Variants in SKAP2 observed in about 807,000 individuals in gnomAD.
The protein encoded by SKAP2 is src kinase-associated phosphoprotein 2.
Under a neutral mutation model 54.9 loss-of-function variants are expected in SKAP2, and 28 were observed. The ratio of observed to expected loss-of-function variants is 0.51; its 90% CI spans 0.38 to 0.70. SKAP2 has a LOEUF of 0.70. Ranked by LOEUF, SKAP2 falls within the 30% of genes least tolerant of loss-of-function variation. The probability of loss-of-function intolerance (pLI) is 0.00; values close to 1 mark genes in which losing one functional copy is unlikely to be tolerated. For missense variants in SKAP2, 356 were observed against 424.1 expected, an observed-to-expected ratio of 0.84 and a Z score of 1.41; for synonymous variants, 137 against 134.3, an observed-to-expected ratio of 1.02 and a Z score of -0.14.
chr7:26,700,896 A>G (rs1787008727), intron 9 of SKAP2, among the ~76,000 whole-genome samples: 1 of 152,124 alleles, frequency 6.6e-6, no homozygotes, highest in South Asian at 2.1e-4. Context: ...TTCATTTACA[A>G]TTTCTCTTGT....
intron 4 of SKAP2, among the ~76,000 whole-genome samples, chr7:26,753,760 G>T (rs1340837226): frequency 6.6e-6 from 1 of 152,194 alleles, no homozygotes; most frequent in Non-Finnish European, 1.5e-5. Flanking sequence ...GATGGAGCAA[G>T]AGGTACAGCT....
intron 11 of SKAP2, among the ~76,000 whole-genome samples, chr7:26,680,139 A>G (rs548307925): frequency 2.7e-4 from 41 of 152,330 alleles, no homozygotes; most frequent in African/African-American, 9.9e-4. Context: ...CTCTAAAAAT[A>G]GTTTATTGCT....
intron 9 of SKAP2, among the ~76,000 whole-genome samples, chr7:26,709,876 T>C (rs542573115): frequency 3.3e-5 from 5 of 152,292 alleles, no homozygotes; most frequent in African/African-American, 1.2e-4. Context: ...GCCCAAAGGA[T>C]TGATGATATA....
At chr7:26,755,076 A>G (rs1782760965) in intron 4 of SKAP2, among the ~76,000 whole-genome samples, 1 of 152,216 alleles carries the variant, frequency 6.6e-6, no homozygotes, top group Non-Finnish European at 1.5e-5. Context: ...TGAATAGACC[A>G]TGATGTACAT....
intron 4 of SKAP2, among the ~76,000 whole-genome samples, chr7:26,764,960 T>G (rs1783014894): frequency 6.6e-6 from 1 of 152,202 alleles, no homozygotes; most frequent in Non-Finnish European, 1.5e-5. Context: ...TGTGTCTTTA[T>G]AGTAGAATGA....
chr7:26,860,756 C>T (rs1785257077), intron 1 of SKAP2, among the ~76,000 whole-genome samples: 2 of 50,486 alleles, frequency 4.0e-5, no homozygotes, highest in Admixed American at 4.8e-4. Flanking sequence ...AAATAAATTG[C>T]ACTCTTCACC....
intron 4 of SKAP2, among the ~76,000 whole-genome samples, chr7:26,843,207 A>T (rs1466495209): frequency 1.3e-5 from 2 of 152,064 alleles, no homozygotes; most frequent in Admixed American, 1.3e-4. Flanking sequence ...ATGGAACTGC[A>T]CAGTTTGATC....
chr7:26,716,555 C>T (rs549564856), intron 9 of SKAP2, among the ~76,000 whole-genome samples: 104 of 152,270 alleles, frequency 6.8e-4, no homozygotes, highest in African/African-American at 2.4e-3. Context: ...CTAATGCAAA[C>T]ATTTATTTTA....
chr7:26,726,061 T>C (rs2127956087), intron 7 of SKAP2, 75 bp from the exon 8 acceptor site: 1 of 910,766 alleles, frequency 1.1e-6, no homozygotes, highest in East Asian at 2.5e-5. Flanking sequence ...TTACCATTTC[T>C]TTAAGACTAT....
intron 10 of SKAP2, among the ~76,000 whole-genome samples, chr7:26,688,851 C>T (rs750430960): frequency 2.0e-5 from 3 of 152,122 alleles, no homozygotes; most frequent in Non-Finnish European, 2.9e-5. Flanking sequence ...TATACCTGCA[C>T]TGAAATTTTC....
intron 11 of SKAP2, among the ~76,000 whole-genome samples, chr7:26,677,394 TAAAAAA>T (rs1322136047): frequency 1.4e-5 from 1 of 72,970 alleles, no homozygotes; most frequent in Admixed American, 1.5e-4. Context: ...TCTGTCTCAA[TAAAAAA>T]AAAAAAAAAA....
intron 2 of SKAP2, 124 bp from the exon 3 acceptor site, chr7:26,854,286 A>C: frequency 1.8e-6 from 1 of 548,556 alleles, no homozygotes; most frequent in Non-Finnish European, 3.2e-6. Flanking sequence ...TTAGAAAAAA[A>C]CTAATTCCTG....
intron 4 of SKAP2, among the ~76,000 whole-genome samples, chr7:26,768,512 G>C (rs982985883): frequency 6.6e-6 from 1 of 152,284 alleles, no homozygotes; most frequent in East Asian, 1.9e-4. Flanking sequence ...ATGCTAGCTG[G>C]TTATTTTGCC....
At chr7:26,709,742 T>C (rs1014030944) in intron 9 of SKAP2, among the ~76,000 whole-genome samples, 2 of 152,170 alleles carry the variant, frequency 1.3e-5, no homozygotes, top group Non-Finnish European at 2.9e-5. Flanking sequence ...TGTTAATGAA[T>C]GAGTGGAAGC....
intron 11 of SKAP2, among the ~76,000 whole-genome samples, chr7:26,672,234 C>G (rs1227324313): frequency 6.6e-6 from 1 of 151,996 alleles, no homozygotes; most frequent in Non-Finnish European, 1.5e-5. Flanking sequence ...CTACTTTGGT[C>G]ATAGTCTATG....
chr7:26,802,182 A>C (rs1430932349), intron 4 of SKAP2, among the ~76,000 whole-genome samples: 1 of 152,074 alleles, frequency 6.6e-6, no homozygotes, highest in Non-Finnish European at 1.5e-5. Flanking sequence ...AGATTAAAGA[A>C]CACAGAAGCA....
chr7:26,676,618 CTGT>C (rs1462447383), intron 11 of SKAP2, among the ~76,000 whole-genome samples: 2 of 152,164 alleles, frequency 1.3e-5, no homozygotes, highest in Non-Finnish European at 2.9e-5. Flanking sequence ...GGATTATTTC[CTGT>C]TGTTAACTGT....
chr7:26,686,508 T>C (rs925021326), intron 10 of SKAP2, among the ~76,000 whole-genome samples: 1 of 152,080 alleles, frequency 6.6e-6, no homozygotes, highest in African/African-American at 2.4e-5. Flanking sequence ...TACATTTTTT[T>C]CCCCAAAGCA....
At chr7:26,764,596 A>C (rs971322062) in intron 4 of SKAP2, among the ~76,000 whole-genome samples, 1 of 145,680 alleles carries the variant, frequency 6.9e-6, no homozygotes, top group Non-Finnish European at 1.5e-5. Context: ...ATCTTTTTTT[A>C]TTTTTATTTT....
Sources: allele counts gnomAD v4.1 joint callset (sites outside exome capture counted in the v4.1 genomes callset), GRCh38; gene constraint gnomAD v4.1.1; transcripts MANE v1.5; gene names NCBI Gene and HGNC (gene_info 2026-07-23, HGNC 2026-07-21).